Variants in C14orf132 observed in about 807,000 individuals in gnomAD.
The protein encoded by C14orf132 is chromosome 14 open reading frame 132, also known as uncharacterized protein C14orf132.
A neutral mutation model predicts 5.8 loss-of-function variants in C14orf132; 6 were observed. The ratio of observed to expected loss-of-function variants is 1.03; its 90% CI spans 0.57 to 2.04. C14orf132 has a LOEUF of 2.04. Ranked by LOEUF, C14orf132 falls within the 30% of genes most tolerant of loss-of-function variation. The pLI, the probability that C14orf132 is intolerant of heterozygous loss-of-function variation, is 0.00. For missense variants in C14orf132, 125 were observed against 115.8 expected (o/e 1.08, Z -0.37); for synonymous variants, 51 against 49.8 (o/e 1.02, Z -0.10).
At position 96,049,588 on chromosome 14, in the gene C14orf132, ATACATATATACG is replaced by A. The variant is rs1886953508; in HGVS notation, c.27+10064_27+10075del. Among the ~76,000 whole-genome samples the A allele has an allele frequency of 1.9e-5, 2 of 107,150 alleles. 1 individual carries two copies. Among genetic ancestry groups the A allele is most frequent in the African/African-American group, 6.1e-5 (2 of 32,954 alleles). 70.3% of individuals were successfully genotyped at this position (107,150 alleles called of 152,430 possible). On this transcript the variant is annotated intron_variant, in intron 1 of 1. Transcript: ENST00000555004. ...TATATATACATATATACGTATATAT[ATACATATATACG>A]TATATATATACATATATACGTATAT... is the stretch of plus-strand genomic sequence containing the variant.
At chr14:96,044,481 T>C (rs898503330) in intron 1 of C14orf132, among the ~76,000 whole-genome samples, 2 of 152,246 alleles carry the variant, frequency 1.3e-5, no homozygotes, top group Admixed American at 1.3e-4. Context: ...TACCCAGCTG[T>C]GTACATTTTT....
intron 1 of C14orf132, among the ~76,000 whole-genome samples, chr14:96,070,585 C>CAT (rs1887675885): frequency 2.3e-5 from 3 of 127,684 alleles, no homozygotes; most frequent in Admixed American, 7.6e-5. Flanking sequence ...GATGAAGTCT[C>CAT]TCTCTCTCTC....
rs1165588639 is a variant in C14orf132, at chr14:96,093,159, C to T, written c.*6424C>T. 2 of 152,258 alleles carry T rather than the reference C, an allele frequency of 1.3e-5. No homozygotes were observed. Among genetic ancestry groups the T allele is most frequent in the Non-Finnish European group, 2.9e-5 (2 of 68,052 alleles). 9.4% of individuals were successfully genotyped at this position (152,258 alleles called of 1,614,324 possible). A position where few individuals can be genotyped will look rare whatever the true frequency, so the allele number is the denominator to read the frequency against. On this transcript the variant is annotated 3_prime_UTR_variant, in exon 2 of 2. Transcript: ENST00000555004. ...GCGAGCTGAGGACAGTGATCTGCAA[C>T]TCCCAGCATGTCATGTGGTCTCTTA... is the stretch of plus-strand genomic sequence containing the variant.
intron 1 of C14orf132, among the ~76,000 whole-genome samples, chr14:96,069,922 C>G (rs1026004383): frequency 1.3e-5 from 2 of 152,230 alleles, no homozygotes; most frequent in Non-Finnish European, 2.9e-5. Flanking sequence ...GAGAAGTCTT[C>G]AAACCTGTGC....
At chr14:96,070,047 G>A (rs1887658290) in intron 1 of C14orf132, among the ~76,000 whole-genome samples, 1 of 152,178 alleles carries the variant, frequency 6.6e-6, no homozygotes, top group Admixed American at 6.5e-5. Context: ...CCAGGAAGAG[G>A]GGCCGACTTT....
intron 1 of C14orf132, among the ~76,000 whole-genome samples, chr14:96,058,799 G>T (rs1323916186): frequency 6.6e-6 from 1 of 152,234 alleles, no homozygotes; most frequent in Non-Finnish European, 1.5e-5. Context: ...CAGCAGTAGG[G>T]CTGCCACTGG....
Sources: gnomAD v4.1 joint callset for allele counts (sites outside exome capture counted in the v4.1 genomes callset) on GRCh38, gnomAD v4.1.1 for gene constraint, MANE v1.5 for transcripts, NCBI Gene and HGNC (gene_info 2026-07-23, HGNC 2026-07-21) for gene names.